Variants in SPAG16 observed in about 807,000 individuals in gnomAD.
SPAG16 encodes the protein sperm associated antigen 16.
Under a neutral mutation model 80.4 loss-of-function variants are expected in SPAG16, and 86 were observed. That is an observed-to-expected ratio of 1.07 (90% confidence interval 0.90 to 1.28). The LOEUF (loss-of-function observed/expected upper bound fraction) is 1.28, where lower values mean the gene tolerates loss of function less well. SPAG16 is among the 50% of genes most tolerant of loss of function. The pLI is 0.00. For synonymous variants in SPAG16, 294 were observed against 265.9 expected (o/e 1.11, Z -1.03); for missense variants, 870 against 765.3 (o/e 1.14, Z -1.61).
At chr2:213,428,971 A>G (rs1333886262) in intron 9 of SPAG16, among the ~76,000 whole-genome samples, 2 of 151,996 alleles carry the variant, frequency 1.3e-5, no homozygotes, top group African/African-American at 4.8e-5. Context: ...AGGCTCCTGT[A>G]ATCCCAGCTA....
intron 10 of SPAG16, among the ~76,000 whole-genome samples, chr2:213,518,547 G>C (rs2075534688): frequency 6.6e-6 from 1 of 152,158 alleles, no homozygotes; most frequent in South Asian, 2.1e-4. Flanking sequence ...GAGCTACCAT[G>C]GCTGGCCTGA....
intron 6 of SPAG16, among the ~76,000 whole-genome samples, chr2:213,346,085 G>T (rs1392440168): frequency 1.3e-5 from 2 of 152,116 alleles, no homozygotes; most frequent in Non-Finnish European, 2.9e-5. Context: ...TCTCCTTGAA[G>T]AGGTCCTTCA....
intron 12 of SPAG16, among the ~76,000 whole-genome samples, chr2:213,982,791 C>A (rs1187932502): frequency 6.6e-6 from 1 of 151,924 alleles, no homozygotes; most frequent in Non-Finnish European, 1.5e-5. Context: ...TTGAAGTGGT[C>A]TGGAAAATTA....
intron 15 of SPAG16, among the ~76,000 whole-genome samples, chr2:214,361,411 C>A (rs1239753169): frequency 6.6e-6 from 1 of 151,764 alleles, no homozygotes; most frequent in South Asian, 2.1e-4. Context: ...TAAACACACT[C>A]ATTTATGTTT....
rs368255722 is a variant in SPAG16 at position 213,286,316 on chromosome 2, C to T, written c.136+1697C>T. ...TTTTGTATTTTAACCAAATGGTAGT[C>T]AGGGGATACACAGTTAAACATTTAA... On this transcript the variant is annotated intron_variant, in intron 1 of 15. Coordinates refer to ENST00000331683, the MANE Select transcript of SPAG16 (RefSeq NM_024532.5). Among the ~76,000 whole-genome samples, 9 of 152,108 alleles carry T rather than the reference C, an allele frequency of 5.9e-5. No individual in the cohort carries two copies. The South Asian group carries it at 1.7e-3, about 28-fold the overall frequency.
intron 15 of SPAG16, among the ~76,000 whole-genome samples, chr2:214,181,418 G>GGCATCCCAAT (rs1312539699): frequency 6.6e-6 from 1 of 151,678 alleles, no homozygotes; most frequent in African/African-American, 2.4e-5. Flanking sequence ...GGCATCCCAA[G>GGCATCCCAAT]GCATCCCAGG....
intron 9 of SPAG16, among the ~76,000 whole-genome samples, chr2:213,426,881 ACAG>A (rs1559121817): frequency 1.3e-3 from 196 of 150,164 alleles, no homozygotes; most frequent in African/African-American, 4.4e-3. Flanking sequence ...ACACACACAC[ACAG>A]GGCTACACTC....
intron 10 of SPAG16, among the ~76,000 whole-genome samples, chr2:213,860,179 G>A (rs917127369): frequency 5.3e-5 from 8 of 151,874 alleles, no homozygotes; most frequent in Admixed American, 1.3e-4. Context: ...CCCAGTATTT[G>A]CTGATGCACT....
chr2:213,577,166 A>C (rs905728386), intron 10 of SPAG16, among the ~76,000 whole-genome samples: 1 of 152,170 alleles, frequency 6.6e-6, no homozygotes, highest in African/African-American at 2.4e-5. Context: ...TAATAGAGGA[A>C]TCAACATTAT....
chr2:213,289,865 C>T (rs968145733), intron 1 of SPAG16, among the ~76,000 whole-genome samples: 2 of 152,250 alleles, frequency 1.3e-5, no homozygotes, highest in Admixed American at 6.5e-5. Flanking sequence ...GCAGTAAACA[C>T]TACCTACAAA....
intron 5 of SPAG16, among the ~76,000 whole-genome samples, chr2:213,323,782 A>G (rs143334722): frequency 9.8e-5 from 15 of 152,328 alleles, no homozygotes; most frequent in South Asian, 2.1e-4. Flanking sequence ...ATGCAATGCA[A>G]TACTACTCAT....
At chr2:213,456,221 G>T (rs1430401325) in intron 9 of SPAG16, among the ~76,000 whole-genome samples, 1 of 152,084 alleles carries the variant, frequency 6.6e-6, no homozygotes, top group Non-Finnish European at 1.5e-5. Flanking sequence ...AGAAGAATTT[G>T]TATGCTGTAA....
intron 10 of SPAG16, among the ~76,000 whole-genome samples, chr2:213,684,676 A>C (rs2064571472): frequency 6.6e-6 from 1 of 152,242 alleles, no homozygotes; most frequent in Admixed American, 6.5e-5. Context: ...CAATAATAAA[A>C]ACATCATTTA....
chr2:213,613,368 G>A (rs190985706), intron 10 of SPAG16, among the ~76,000 whole-genome samples: 3 of 152,262 alleles, frequency 2.0e-5, no homozygotes, highest in East Asian at 3.9e-4. Flanking sequence ...ATGACTTGGA[G>A]CCCTGTTGCT....
At chr2:213,880,383 G>T (rs1345505589) in intron 11 of SPAG16, among the ~76,000 whole-genome samples, 2 of 152,054 alleles carry the variant, frequency 1.3e-5, no homozygotes, top group African/African-American at 4.8e-5. Context: ...TTAAACTTTT[G>T]CCAGATGCAT....
At chr2:214,332,586 C>T (rs1346442810) in intron 15 of SPAG16, among the ~76,000 whole-genome samples, 1 of 152,176 alleles carries the variant, frequency 6.6e-6, no homozygotes, top group African/African-American at 2.4e-5. Context: ...AGAGGTACCA[C>T]ATCTGATACC....
chr2:213,816,677 C>CA lies in SPAG16; in HGVS notation c.1071-45807dup, dbSNP rs543551982. 7.2e-5 allele frequency among the ~76,000 whole-genome samples: 11 copies of CA among 152,174 alleles called. No individual in the cohort carries two copies. In the South Asian group the frequency reaches 2.3e-3, roughly 32 times the overall value. ...GTGTGATAAAAAGATAGCCTTTACACATGTCTCTTATGCACATGATTCCTA... is the reference window on the plus strand; with the variant it reads ...GTGTGATAAAAAGATAGCCTTTACACAATGTCTCTTATGCACATGATTCCTA... On this transcript the variant is annotated intron_variant, in intron 10 of 15. Transcript: ENST00000331683.
chr2:213,398,125 T>C (rs1035252860), intron 9 of SPAG16, among the ~76,000 whole-genome samples: 3 of 151,920 alleles, frequency 2.0e-5, no homozygotes, highest in African/African-American at 4.8e-5. Flanking sequence ...TGAAAAAATA[T>C]CTACATTTTC....
At chr2:213,980,725 T>TATATATATATATAGAGAGAGAGAGAGAG (rs374274176) in intron 12 of SPAG16, among the ~76,000 whole-genome samples, 3 of 104,024 alleles carry the variant, frequency 2.9e-5, no homozygotes, top group Non-Finnish European at 5.2e-5. Flanking sequence ...TATATATATA[T>TATATATATATATAGAGAGAGAGAGAGAG]AGAGAGAGAG....
Sources: allele counts gnomAD v4.1 joint callset (sites outside exome capture counted in the v4.1 genomes callset), GRCh38; gene constraint gnomAD v4.1.1; transcripts MANE v1.5; gene names NCBI Gene and HGNC (gene_info 2026-07-23, HGNC 2026-07-21).